Variants in GRM8 observed in about 807,000 individuals in gnomAD.
GRM8 encodes the protein metabotropic glutamate receptor 8.
A neutral mutation model predicts 87.2 loss-of-function variants in GRM8; 47 were observed. The ratio of observed to expected loss-of-function variants is 0.54; its 90% CI spans 0.43 to 0.69. The LOEUF is 0.69. Ranked by LOEUF, GRM8 falls within the 30% of genes least tolerant of loss-of-function variation. The probability of loss-of-function intolerance (pLI) is 0.00; values close to 1 mark genes in which losing one functional copy is unlikely to be tolerated. For missense variants in GRM8, 1,019 were observed against 1,139.2 expected (o/e 0.89, Z 1.52); for synonymous variants, 396 against 404.5 (o/e 0.98, Z 0.25).
At chr7:126,942,710 C>G (rs929319913) in intron 3 of GRM8, among the ~76,000 whole-genome samples, 1 of 152,134 alleles carries the variant, frequency 6.6e-6, no homozygotes, top group African/African-American at 2.4e-5. Context: ...CCAGAAGAAT[C>G]AGGGTGTGGT....
rs116157039 is a variant in GRM8 at position 126,525,093 on chromosome 7, C to A, written c.2430+7859G>T. Reference sequence around the variant, plus strand: ...TGATGTAGAATTATAATGGGAGGACCAGGTTGCATGACAAAGATTACTGGT... The same window carrying A: ...TGATGTAGAATTATAATGGGAGGACAAGGTTGCATGACAAAGATTACTGGT... On this transcript the variant is annotated intron_variant, in intron 9 of 10. Coordinates refer to ENST00000339582, the MANE Select transcript of GRM8 (RefSeq NM_000845.3). Among the ~76,000 whole-genome samples the A allele has an allele frequency of 4.3e-3, 647 of 152,062 alleles. 4 individuals are homozygous for A. Among genetic ancestry groups the A allele is most frequent in the African/African-American group, 0.015 (611 of 41,470 alleles).
At chr7:127,019,607 G>C (rs1816055740) in intron 3 of GRM8, among the ~76,000 whole-genome samples, 1 of 151,962 alleles carries the variant, frequency 6.6e-6, no homozygotes, top group Non-Finnish European at 1.5e-5. Flanking sequence ...GTAAAAATCA[G>C]CTCTGGCCAG....
At chr7:127,030,030 G>A (rs1474503135) in intron 3 of GRM8, among the ~76,000 whole-genome samples, 1 of 152,084 alleles carries the variant, frequency 6.6e-6, no homozygotes, top group East Asian at 1.9e-4. Flanking sequence ...TGCTGAGTCA[G>A]TATAGTCTTG....
At chr7:126,602,409 G>T (rs1342169210) in intron 8 of GRM8, among the ~76,000 whole-genome samples, 1 of 113,156 alleles carries the variant, frequency 8.8e-6, no homozygotes, top group African/African-American at 2.8e-5. Context: ...TTGACTTGGC[G>T]ATGCGGGCTC....
At chr7:126,677,805 T>G (rs2151323775) in intron 7 of GRM8, among the ~76,000 whole-genome samples, 1 of 152,298 alleles carries the variant, frequency 6.6e-6, no homozygotes, top group East Asian at 1.9e-4. Flanking sequence ...ATACAGTTCA[T>G]CCATGAAACC....
At chr7:126,519,921 G>T (rs1195320387) in intron 9 of GRM8, among the ~76,000 whole-genome samples, 1 of 152,074 alleles carries the variant, frequency 6.6e-6, no homozygotes, top group Non-Finnish European at 1.5e-5. Flanking sequence ...ATAATTTGTT[G>T]ACAGAGTCTA....
At chr7:126,913,114 T>C (rs1186738989) in intron 3 of GRM8, among the ~76,000 whole-genome samples, 1 of 152,234 alleles carries the variant, frequency 6.6e-6, no homozygotes, top group Non-Finnish European at 1.5e-5. Flanking sequence ...CAAGAAACAA[T>C]GTCACAGCAC....
intron 3 of GRM8, among the ~76,000 whole-genome samples, chr7:126,925,817 A>T (rs565457427): frequency 5.3e-5 from 8 of 152,210 alleles, no homozygotes; most frequent in Non-Finnish European, 1.2e-4. Context: ...GAATTGATGT[A>T]ACCAATTTTA....
At chr7:126,578,020 A>G (rs923085840) in intron 8 of GRM8, among the ~76,000 whole-genome samples, 1 of 152,166 alleles carries the variant, frequency 6.6e-6, no homozygotes, top group Non-Finnish European at 1.5e-5. Context: ...ACTGATTTCA[A>G]TGATTCCTGA....
At chr7:126,823,375 T>C (rs575303938) in intron 6 of GRM8, among the ~76,000 whole-genome samples, 7 of 152,222 alleles carry the variant, frequency 4.6e-5, no homozygotes, top group Non-Finnish European at 1.0e-4. Context: ...AGCTGTTAAA[T>C]TAAGATACAC....
intron 7 of GRM8, among the ~76,000 whole-genome samples, chr7:126,759,107 AG>A (rs1817322441): frequency 2.0e-5 from 3 of 152,128 alleles, no homozygotes; most frequent in Non-Finnish European, 4.4e-5. Flanking sequence ...CATGTTGGCC[AG>A]GCTGGTCTCA....
Position 126,788,117 on chromosome 7 carries a change from T to C in GRM8, c.1157-18052A>G, listed in dbSNP as rs148958263. 4.7e-3 allele frequency among the ~76,000 whole-genome samples: 712 copies of C among 152,014 alleles called. 7 individuals are homozygous for C. Among genetic ancestry groups the C allele is most frequent in the African/African-American group, 0.016 (675 of 41,490 alleles). On this transcript the variant is annotated intron_variant, in intron 6 of 10. Transcript: ENST00000339582. ...ACCTGAAAAATGTAGATTTCTATCA[T>C]TAAAACAATCTGGCCGGTGCGATGG...
chr7:126,847,842 A>G (rs1227461504), intron 6 of GRM8, among the ~76,000 whole-genome samples: 3 of 152,166 alleles, frequency 2.0e-5, no homozygotes, highest in African/African-American at 7.2e-5. Context: ...TTGCATGAGG[A>G]GAAAATGTGG....
chr7:126,643,144 G>C (rs559242179), intron 7 of GRM8, among the ~76,000 whole-genome samples: 1 of 151,158 alleles, frequency 6.6e-6, no homozygotes, highest in East Asian at 1.9e-4. Context: ...CAAAAAAATG[G>C]CTGGGCATGG....
At chr7:127,244,879 C>A (rs148671153) in intron 1 of GRM8, among the ~76,000 whole-genome samples, 18 of 152,308 alleles carry the variant, frequency 1.2e-4, no homozygotes, top group African/African-American at 4.1e-4. Flanking sequence ...CACCTGGCAG[C>A]CTAGCCAGCC....
intron 3 of GRM8, among the ~76,000 whole-genome samples, chr7:126,923,188 G>A (rs770230903): frequency 6.6e-6 from 1 of 152,104 alleles, no homozygotes; most frequent in Non-Finnish European, 1.5e-5. Flanking sequence ...TATGCTGATT[G>A]CTTATTTGTT....
intron 9 of GRM8, among the ~76,000 whole-genome samples, chr7:126,477,581 GAGAAAGAAAGAAAGAA>G (rs36192147): frequency 3.1e-3 from 243 of 79,168 alleles, no homozygotes; most frequent in African/African-American, 0.01. Flanking sequence ...GAAAGAAAGA[GAGAAAGAAAGAAAGAA>G]AGAAAGAAAG....
intron 3 of GRM8, among the ~76,000 whole-genome samples, chr7:127,057,012 T>C (rs1195005795): frequency 6.6e-6 from 1 of 152,188 alleles, no homozygotes; most frequent in Admixed American, 6.5e-5. Flanking sequence ...ATTCTCTGGA[T>C]TGTGAACTGA....
intron 6 of GRM8, among the ~76,000 whole-genome samples, chr7:126,801,195 T>C (rs1822634708): frequency 6.6e-6 from 1 of 152,154 alleles, no homozygotes; most frequent in Non-Finnish European, 1.5e-5. Flanking sequence ...CTGCTAGTGA[T>C]AGTATAAGTT....
Sources: gnomAD v4.1 joint callset for allele counts (sites outside exome capture counted in the v4.1 genomes callset) on GRCh38, gnomAD v4.1.1 for gene constraint, MANE v1.5 for transcripts, NCBI Gene and HGNC (gene_info 2026-07-23, HGNC 2026-07-21) for gene names.